The following LRRC38 variants were observed in gnomAD, a reference collection of about 807,000 sequenced individuals.
The protein encoded by LRRC38 is leucine-rich repeat-containing protein 38.
LRRC38 carries 5 observed loss-of-function variants against 16.4 expected under a neutral mutation model. That is an observed-to-expected ratio of 0.31 (90% CI 0.16 to 0.64). The LOEUF is 0.64. Ranked by LOEUF, LRRC38 falls within the 30% of genes least tolerant of loss-of-function variation. The probability of loss-of-function intolerance (pLI) is 0.80; values close to 1 mark genes in which losing one functional copy is unlikely to be tolerated. For synonymous variants in LRRC38, 191 were observed against 190.2 expected, an observed-to-expected ratio of 1.00 and a Z score of -0.04; for missense variants, 341 against 401.8, an observed-to-expected ratio of 0.85 and a Z score of 1.29.
At chr1:13,503,412 G>A (rs947883043) in intron 1 of LRRC38, among the ~76,000 whole-genome samples, 6 of 152,130 alleles carry the variant, frequency 3.9e-5, no homozygotes, top group Non-Finnish European at 8.8e-5. Flanking sequence ...GGGACTACAG[G>A]CATGCTCCAC....
Position 13,513,402 on chromosome 1 carries a change from G to T in LRRC38, c.192C>A (p.Ala64=). The change falls in exon 1 of 2, where the codon GCC becomes GCA. Residue 64 remains alanine, a synonymous_variant. Coordinates refer to ENST00000376085, the MANE Select transcript of LRRC38 (RefSeq NM_001010847.2). Reference sequence around the variant, plus strand: ...CGGGGATCCGCTGGATGCGGTTGCCGGCCACCAGCAGCTTGCGCACGTCCA... The same window carrying T: ...CGGGGATCCGCTGGATGCGGTTGCCTGCCACCAGCAGCTTGCGCACGTCCA... ...FPLDVRKLLV[A]GNRIQRIPED... is the part of the protein sequence containing the mutation. 1 of 1,550,514 alleles carries T rather than the reference G, an allele frequency of 6.4e-7. No homozygotes were observed. The highest frequency in any genetic ancestry group is 2.0e-5 in the Admixed American group (1 of 51,000).
chr1:13,477,467 G>GGAGGTAT (rs1638802797), intron 1 of LRRC38, among the ~76,000 whole-genome samples: 3 of 152,182 alleles, frequency 2.0e-5, no homozygotes, highest in Admixed American at 2.0e-4. Flanking sequence ...GGGGTGGTCA[G>GGAGGTAT]GAGGTATTAT....
chr1:13,500,261 A>C (rs1639132688), intron 1 of LRRC38, among the ~76,000 whole-genome samples: 1 of 151,948 alleles, frequency 6.6e-6, no homozygotes. Context: ...TCTCAAAAAA[A>C]AAAAAAAAGC....
At chr1:13,499,184 C>T (rs916223867) in intron 1 of LRRC38, among the ~76,000 whole-genome samples, 7 of 152,146 alleles carry the variant, frequency 4.6e-5, no homozygotes, top group South Asian at 2.1e-4. Context: ...ATGCAACTTC[C>T]GCCTCCCAGG....
chr1:13,510,120 G>A lies in LRRC38; in HGVS notation c.631+2843C>T, dbSNP rs538120116. 9.9e-5 allele frequency among the ~76,000 whole-genome samples: 15 copies of A among 152,284 alleles called. No homozygotes were observed. In the South Asian group the frequency reaches 3.1e-3, roughly 32 times the overall value. On this transcript the variant is annotated intron_variant, in intron 1 of 1. Transcript: ENST00000376085. Reference sequence around the variant, plus strand: ...TGGGCTCTGTCTTGCTTCTCTGGGGGACAAGGGGGCAGGGAGGCAAGGGAA... The same window carrying A: ...TGGGCTCTGTCTTGCTTCTCTGGGGAACAAGGGGGCAGGGAGGCAAGGGAA...
chr1:13,483,746 T>A (rs1638896088), intron 1 of LRRC38, among the ~76,000 whole-genome samples: 1 of 151,960 alleles, frequency 6.6e-6, no homozygotes, highest in East Asian at 1.9e-4. Context: ...GAACATGAAA[T>A]AAGGGAATAT....
At chr1:13,494,398 C>CTTTT (rs34023623) in intron 1 of LRRC38, among the ~76,000 whole-genome samples, 3 of 123,972 alleles carry the variant, frequency 2.4e-5, no homozygotes, top group Admixed American at 1.7e-4. Context: ...CTGTGCTAGA[C>CTTTT]TTTTTTTTTT....
chr1:13,511,733 G>A (rs1165223268), intron 1 of LRRC38, among the ~76,000 whole-genome samples: 5 of 152,134 alleles, frequency 3.3e-5, no homozygotes, highest in Admixed American at 3.3e-4. Flanking sequence ...ACAAGTGGAT[G>A]AGGACAAAGT....
chr1:13,502,010 C>T (rs1007328604), intron 1 of LRRC38, among the ~76,000 whole-genome samples: 3 of 151,572 alleles, frequency 2.0e-5, no homozygotes, highest in Admixed American at 2.0e-4. Flanking sequence ...TCACTGCAAG[C>T]CCCACCTCCT....
In LRRC38 at chr1:13,513,253, T is replaced by C; in HGVS notation, c.341A>G (p.Asn114Ser). 1.3e-6 allele frequency: 2 copies of C among 1,550,244 alleles called. No individual in the cohort carries two copies. Among genetic ancestry groups the C allele is most frequent in the East Asian group, 2.4e-5 (1 of 40,854 alleles). The change falls in exon 1 of 2, where the codon AAC (asparagine) becomes AGC (serine). Residue 114 changes from asparagine (N) to serine (S), a missense_variant. Asn to Ser is a conservative substitution (Grantham distance 46). Coordinates refer to ENST00000376085, the MANE Select transcript of LRRC38 (RefSeq NM_001010847.2). ...GCCGGCGCCCAGCTGGGTCAAGTTG[T>C]TGTAGCTGAGGTCGAGGAACACGAG... The part of the protein sequence containing the change: ...AKLVFLDLSY[N>S]NLTQLGAGAF...
intron 1 of LRRC38, among the ~76,000 whole-genome samples, chr1:13,491,508 A>G (rs1639012376): frequency 6.6e-6 from 1 of 151,832 alleles, no homozygotes; most frequent in Admixed American, 6.6e-5. Flanking sequence ...TTTTGTATTT[A>G]TTTGTAGAGA....
chr1:13,509,759 C>G (rs751987100), intron 1 of LRRC38, among the ~76,000 whole-genome samples: 63 of 152,254 alleles, frequency 4.1e-4, no homozygotes, highest in African/African-American at 1.3e-3. Flanking sequence ...TTACGGTCCT[C>G]CTACCTACAC....
At chr1:13,507,679 A>C (rs1639229030) in intron 1 of LRRC38, among the ~76,000 whole-genome samples, 1 of 152,118 alleles carries the variant, frequency 6.6e-6, no homozygotes, top group Admixed American at 6.5e-5. Context: ...TAAAAATACA[A>C]AAATTAGCTG....
intron 1 of LRRC38, 58 bp downstream of exon 1, chr1:13,512,905 G>T: frequency 7.1e-7 from 1 of 1,402,620 alleles, no homozygotes; most frequent in Non-Finnish European, 9.6e-7. Context: ...ACTGGGGTCT[G>T]GGGTGGCCTC....
At chr1:13,480,637 T>G (rs2100489881) in intron 1 of LRRC38, among the ~76,000 whole-genome samples, 1 of 151,990 alleles carries the variant, frequency 6.6e-6, no homozygotes, top group East Asian at 1.9e-4. Context: ...TTCTCCTGGT[T>G]GTGAATAAGT....
chr1:13,505,857 G>A lies in LRRC38; in HGVS notation c.631+7106C>T, dbSNP rs181046804. ...TCCGGCTGGATACTGGCACTTGGGC[G>A]TGTTCCGGGGACAGAACAAGGCTGG... On this transcript the variant is annotated intron_variant, in intron 1 of 1. Transcript: ENST00000376085. Among the ~76,000 whole-genome samples, 3 of 151,062 alleles carry A rather than the reference G, an allele frequency of 2.0e-5. No individual in the cohort carries two copies. In the East Asian group the frequency reaches 6.0e-4, roughly 30 times the overall value.
intron 1 of LRRC38, among the ~76,000 whole-genome samples, chr1:13,480,576 G>A (rs1638840425): frequency 6.6e-6 from 1 of 152,158 alleles, no homozygotes; most frequent in African/African-American, 2.4e-5. Context: ...ATCCCCAGCT[G>A]TTAAGGTGGA....
chr1:13,498,879 G>A (rs1421184748), intron 1 of LRRC38, among the ~76,000 whole-genome samples: 1 of 152,122 alleles, frequency 6.6e-6, no homozygotes, highest in Non-Finnish European at 1.5e-5. Flanking sequence ...CTCTCCAGGG[G>A]CTGTAGGAAG....
At position 13,475,696 on chromosome 1, in the gene LRRC38, C is replaced by A. The variant is rs550661523; in HGVS notation, c.*150G>T. 2.9e-5 allele frequency: 27 copies of A among 919,084 alleles called. No homozygotes were observed. Among genetic ancestry groups the A allele is most frequent in the East Asian group, 2.4e-4 (9 of 37,534 alleles). 56.9% of individuals were successfully genotyped at this position (919,084 alleles called of 1,614,324 possible). A position where few individuals can be genotyped will look rare whatever the true frequency, so the allele number is the denominator to read the frequency against. On this transcript the variant is annotated 3_prime_UTR_variant, in exon 2 of 2. Coordinates refer to ENST00000376085, the MANE Select transcript of LRRC38 (RefSeq NM_001010847.2). This position sits in a 1 kb window ranked among gnomAD's most constrained non-coding sequence, Gnocchi z 4.3. ...TAAACTCTGAGATCAGTGGTCCCAG[C>A]AGGTGTACCCAGGGGCCAAGACACG... is the stretch of plus-strand genomic sequence containing the variant.
Sources: gnomAD v4.1 joint callset for allele counts (sites outside exome capture counted in the v4.1 genomes callset) on GRCh38, gnomAD v4.1.1 for gene constraint, Gnocchi (gnomAD v3.1) non-coding constraint, MANE v1.5 for transcripts, NCBI Gene and HGNC (gene_info 2026-07-23, HGNC 2026-07-21) for gene names.